Variants in TM2D1 observed in about 807,000 individuals in gnomAD.
TM2D1 encodes TM2 domain containing 1.
In TM2D1, 15 loss-of-function variants were observed where a neutral mutation model predicts 28.4. The ratio of observed to expected loss-of-function variants is 0.53; its 90% CI spans 0.35 to 0.81. TM2D1 has a LOEUF of 0.81. TM2D1 is among the 40% of genes least tolerant of loss of function. TM2D1 has a pLI of 0.01. For synonymous variants in TM2D1, 93 were observed against 96.2 expected (o/e 0.97, Z 0.20); for missense variants, 236 against 254.9 (o/e 0.93, Z 0.50).
chr1:61,691,932 A>AAAATATATAT, intron 5 of TM2D1, among the ~76,000 whole-genome samples: 1 of 76,404 alleles, frequency 1.3e-5, no homozygotes, highest in East Asian at 4.7e-4. Context: ...AAAAAAAAAA[A>AAAATATATAT]ATATATATAT....
At chr1:61,701,310 CAAAAAAA>C (rs10587870) in intron 3 of TM2D1, among the ~76,000 whole-genome samples, 29 of 84,076 alleles carry the variant, frequency 3.4e-4, no homozygotes, top group Admixed American at 2.1e-3. Context: ...TAAATGTTAA[CAAAAAAA>C]AAAAAAAAAA....
chr1:61,692,624 A>G (rs1478168345), intron 5 of TM2D1, among the ~76,000 whole-genome samples: 1 of 152,172 alleles, frequency 6.6e-6, no homozygotes, highest in Non-Finnish European at 1.5e-5. Flanking sequence ...GGCCAGGCAC[A>G]GTGACTCATG....
intron 2 of TM2D1, among the ~76,000 whole-genome samples, chr1:61,712,117 C>T (rs1175993771): frequency 6.6e-6 from 1 of 152,048 alleles, no homozygotes; most frequent in Non-Finnish European, 1.5e-5. Context: ...GAAACATTTT[C>T]AGTTGTCACT....
intron 2 of TM2D1, among the ~76,000 whole-genome samples, chr1:61,715,358 G>GT (rs1644508838): frequency 1.3e-5 from 2 of 152,076 alleles, no homozygotes; most frequent in South Asian, 4.1e-4. Context: ...TTATACTCCT[G>GT]TTATATACAT....
At chr1:61,700,119 G>A (rs192642472) in intron 4 of TM2D1, 1 of 1,463,740 alleles carries the variant, frequency 6.8e-7, no homozygotes, top group Admixed American at 3.0e-5. Flanking sequence ...GGTTCAAATT[G>A]AGGTCACTAG....
intron 2 of TM2D1, among the ~76,000 whole-genome samples, chr1:61,713,881 TTTC>T (rs1236794735): frequency 3.5e-5 from 5 of 142,486 alleles, no homozygotes; most frequent in Non-Finnish European, 7.6e-5. Context: ...AAACCAAATA[TTTC>T]TTTTTTTTTT....
At chr1:61,709,848 A>AT (rs1398299020) in intron 2 of TM2D1, among the ~76,000 whole-genome samples, 1 of 152,194 alleles carries the variant, frequency 6.6e-6, no homozygotes, top group Non-Finnish European at 1.5e-5. Context: ...CTGAGTTTGT[A>AT]TTTTTAGCAT....
intron 2 of TM2D1, 60 bp from the exon 3 acceptor site, chr1:61,709,497 T>C: frequency 8.3e-7 from 1 of 1,205,776 alleles, no homozygotes; most frequent in East Asian, 2.4e-5. Flanking sequence ...CAGTATGTAA[T>C]TGTTCTAAGA....
rs139704458 is a variant in TM2D1, at chr1:61,722,099, T to C, written c.238+1614A>G. Among the ~76,000 whole-genome samples the C allele has an allele frequency of 5.4e-3, 817 of 151,604 alleles. 9 individuals are homozygous for C. The highest frequency in any genetic ancestry group is 0.018 in the African/African-American group (748 of 41,362). On this transcript the variant is annotated intron_variant, in intron 2 of 6. Coordinates refer to ENST00000606498, the MANE Select transcript of TM2D1 (RefSeq NM_032027.3). The stretch of plus-strand genomic sequence containing the variant: ...CCAGCCTGGGCAACATGACGAAACC[T>C]TGTCTCTACCAAAAATACAAAAATA...
chr1:61,712,866 AG>A (rs1644488453), intron 2 of TM2D1, among the ~76,000 whole-genome samples: 1 of 152,186 alleles, frequency 6.6e-6, no homozygotes, highest in Admixed American at 6.6e-5. Flanking sequence ...CATCAATTTT[AG>A]GAAAGAGTGC....
At chr1:61,701,102 T>C (rs1644397462) in intron 3 of TM2D1, 77 bp from the exon 4 acceptor site, 1 of 1,104,444 alleles carries the variant, frequency 9.1e-7, no homozygotes, top group Admixed American at 2.0e-5. Context: ...CTACTACTTG[T>C]TAATTGGTTC....
At chr1:61,704,577 GC>G (rs1259592469) in intron 3 of TM2D1, among the ~76,000 whole-genome samples, 1 of 151,818 alleles carries the variant, frequency 6.6e-6, no homozygotes, top group Non-Finnish European at 1.5e-5. Context: ...GATTACAGGT[GC>G]CCACCACCAC....
chr1:61,718,889 T>C (rs765089511), intron 2 of TM2D1, among the ~76,000 whole-genome samples: 1 of 152,050 alleles, frequency 6.6e-6, no homozygotes. Context: ...GAAAACTAAA[T>C]GTAAAATCTG....
chr1:61,691,350 C>G (rs1200144950), intron 5 of TM2D1, among the ~76,000 whole-genome samples: 1 of 151,712 alleles, frequency 6.6e-6, no homozygotes, highest in African/African-American at 2.4e-5. Context: ...ACAAAATTAG[C>G]CGGGCATAGT....
chr1:61,685,384 C>A (rs1267405657), intron 5 of TM2D1, among the ~76,000 whole-genome samples: 1 of 152,130 alleles, frequency 6.6e-6, no homozygotes, highest in Non-Finnish European at 1.5e-5. Flanking sequence ...TGATAGAAAA[C>A]TTAAATGTCA....
chr1:61,702,924 G>A (rs905898561), intron 3 of TM2D1, among the ~76,000 whole-genome samples: 9 of 151,298 alleles, frequency 5.9e-5, no homozygotes, highest in South Asian at 4.2e-4. Context: ...TGGCCAACAC[G>A]GTAAAACCCC....
chr1:61,707,857 C>G (rs1314863052), intron 3 of TM2D1, among the ~76,000 whole-genome samples: 6 of 152,080 alleles, frequency 3.9e-5, no homozygotes, highest in Admixed American at 3.9e-4. Context: ...TTCAATGCAT[C>G]TGTACAGTGG....
chr1:61,694,627 A>G (rs1255752938), intron 5 of TM2D1, 70 bp downstream of exon 5: 2 of 1,047,788 alleles, frequency 1.9e-6, no homozygotes, highest in African/African-American at 1.6e-5. Context: ...AACATTTTAA[A>G]TAGAACAGGA....
At chr1:61,682,175 A>G (rs1349685249) in intron 6 of TM2D1, among the ~76,000 whole-genome samples, 2 of 152,234 alleles carry the variant, frequency 1.3e-5, no homozygotes, top group Non-Finnish European at 2.9e-5. Context: ...TCTACAAGAC[A>G]GAAAACAAAT....
Sources: allele counts gnomAD v4.1 joint callset (sites outside exome capture counted in the v4.1 genomes callset), GRCh38; gene constraint gnomAD v4.1.1; transcripts MANE v1.5; gene names NCBI Gene and HGNC (gene_info 2026-07-23, HGNC 2026-07-21).